The following MCTP1 variants were observed in gnomAD, a reference collection of about 807,000 sequenced individuals.
MCTP1 encodes multiple C2 and transmembrane domain-containing protein 1.
A neutral mutation model predicts 120.6 loss-of-function variants in MCTP1; 69 were observed. The ratio of observed to expected loss-of-function variants is 0.57; its 90% CI spans 0.47 to 0.70. MCTP1 has a LOEUF of 0.70. MCTP1 is among the 30% of genes least tolerant of loss of function. MCTP1 has a pLI of 0.00. For synonymous variants in MCTP1, 529 were observed against 493.1 expected, an observed-to-expected ratio of 1.07 and a Z score of -0.96; for missense variants, 1,203 against 1,248.8, an observed-to-expected ratio of 0.96 and a Z score of 0.55.
At chr5:95,039,878 C>CAAAAAAAAAAAA (rs57011733) in intron 1 of MCTP1, among the ~76,000 whole-genome samples, 4 of 77,612 alleles carry the variant, frequency 5.2e-5, no homozygotes, top group Admixed American at 1.6e-4. Context: ...GTACCGTTTG[C>CAAAAAAAAAAAA]AAAAAAAAAA....
intron 19 of MCTP1, among the ~76,000 whole-genome samples, chr5:94,751,937 A>T (rs1768438716): frequency 1.5e-5 from 2 of 135,794 alleles, no homozygotes; most frequent in Non-Finnish European, 3.2e-5. Flanking sequence ...GAAGGGGAAC[A>T]TCACACTCCG....
intron 1 of MCTP1, among the ~76,000 whole-genome samples, chr5:95,211,511 G>T (rs1752371985): frequency 6.6e-6 from 1 of 152,060 alleles, no homozygotes; most frequent in South Asian, 2.1e-4. Context: ...CTCGAGCCTT[G>T]GCTTTCAGCT....
intron 1 of MCTP1, among the ~76,000 whole-genome samples, chr5:95,092,526 G>C (rs1755926206): frequency 6.6e-6 from 1 of 152,140 alleles, no homozygotes; most frequent in Non-Finnish European, 1.5e-5. Flanking sequence ...CATGGATTTT[G>C]AATGTTCCCA....
chr5:94,974,134 T>C (rs1013202169), intron 2 of MCTP1, among the ~76,000 whole-genome samples: 1 of 152,188 alleles, frequency 6.6e-6, no homozygotes, highest in Non-Finnish European at 1.5e-5. Flanking sequence ...TATAATTAAA[T>C]TTAAATAAAG....
chr5:95,257,117 T>C (rs1385392618), intron 1 of MCTP1, among the ~76,000 whole-genome samples: 1 of 152,218 alleles, frequency 6.6e-6, no homozygotes, highest in Non-Finnish European at 1.5e-5. Context: ...TCTTACATAA[T>C]TTCAATACTG....
intron 1 of MCTP1, among the ~76,000 whole-genome samples, chr5:95,140,516 C>G (rs564562481): frequency 6.6e-4 from 100 of 151,780 alleles, no homozygotes; most frequent in Non-Finnish European, 1.2e-3. Flanking sequence ...TCTTTTCAGT[C>G]TCTCAAAAAC....
chr5:94,931,979 T>C lies in MCTP1; in HGVS notation c.1186A>G (p.Arg396Gly), dbSNP rs758988091. The change falls in exon 6 of 23, where the codon AGG becomes GGG. Residue 396 changes from arginine to glycine, a missense_variant. This residue lies in a region of MCTP1 where 740 missense variants were observed against 871.1 expected (regional missense o/e 0.85). Transcript: ENST00000515393. ...TTACTTGATCTTTTCCAACTCTTCC[T>C]CATTAGCATTGTCTGTAAATAAAAT... ...GESRDVTMLM[R>G]KSWKRSSKEL... The C allele has an allele frequency of 5.0e-6, 8 of 1,600,536 alleles. No individual in the cohort carries two copies. In the South Asian group the frequency reaches 8.8e-5, roughly 18 times the overall value.
intron 1 of MCTP1, among the ~76,000 whole-genome samples, chr5:95,020,698 A>G (rs1424581855): frequency 6.6e-6 from 1 of 151,988 alleles, no homozygotes; most frequent in East Asian, 1.9e-4. Flanking sequence ...TGATTCTCAT[A>G]TATTTTAAAA....
chr5:95,216,569 T>C (rs1245324420), intron 1 of MCTP1, among the ~76,000 whole-genome samples: 1 of 152,210 alleles, frequency 6.6e-6, no homozygotes, highest in Non-Finnish European at 1.5e-5. Flanking sequence ...TATGAGTTTC[T>C]CCTTAGGCAT....
chr5:95,121,102 C>T (rs1416149079), intron 1 of MCTP1, among the ~76,000 whole-genome samples: 2 of 151,838 alleles, frequency 1.3e-5, no homozygotes, highest in South Asian at 2.1e-4. Flanking sequence ...CGCAGTGAAA[C>T]CCCGTCTCTA....
At chr5:94,766,946 C>T (rs1226558302) in intron 19 of MCTP1, among the ~76,000 whole-genome samples, 1 of 152,030 alleles carries the variant, frequency 6.6e-6, no homozygotes, top group Non-Finnish European at 1.5e-5. Context: ...CACCATTACC[C>T]AGATCCAGAC....
At chr5:94,918,222 G>T (rs1352684445) in intron 7 of MCTP1, among the ~76,000 whole-genome samples, 1 of 152,186 alleles carries the variant, frequency 6.6e-6, no homozygotes, top group East Asian at 1.9e-4. Flanking sequence ...GAAGCCCAGA[G>T]ATTATATGGT....
chr5:94,954,395 G>T (rs557789566), intron 2 of MCTP1, among the ~76,000 whole-genome samples: 1 of 151,708 alleles, frequency 6.6e-6, no homozygotes, highest in East Asian at 2.0e-4. Context: ...AGACACTGGA[G>T]ATTCCAAAAG....
chr5:94,881,016 T>A (rs1799939989), intron 12 of MCTP1, among the ~76,000 whole-genome samples: 1 of 152,096 alleles, frequency 6.6e-6, no homozygotes, highest in Non-Finnish European at 1.5e-5. Flanking sequence ...TTCCAACTAT[T>A]TGCTAGTGTC....
chr5:94,956,412 T>C (rs76276892), intron 2 of MCTP1, among the ~76,000 whole-genome samples: 15 of 152,300 alleles, frequency 9.8e-5, no homozygotes, highest in African/African-American at 3.6e-4. Flanking sequence ...GGATGGTGAA[T>C]GAGTTTGATG....
At chr5:94,891,307 C>A (rs896291099) in intron 11 of MCTP1, among the ~76,000 whole-genome samples, 1 of 152,172 alleles carries the variant, frequency 6.6e-6, no homozygotes, top group African/African-American at 2.4e-5. Context: ...AAGGGTTTCA[C>A]TGTGGGGGCG....
intron 17 of MCTP1, among the ~76,000 whole-genome samples, chr5:94,810,105 G>C (rs1309466553): frequency 6.6e-6 from 1 of 151,670 alleles, no homozygotes; most frequent in African/African-American, 2.4e-5. Context: ...TTAAATTATT[G>C]TTTAACAAAA....
At chr5:94,929,525 C>T in intron 6 of MCTP1, 1 of 556,330 alleles carries the variant, frequency 1.8e-6, no homozygotes, top group Non-Finnish European at 2.3e-6. Flanking sequence ...AATCTGTACT[C>T]AGACAAGAAT....
rs139568538 is a variant in MCTP1, at chr5:94,883,107, A to G, written c.1933+5772T>C. ...GATGTGGTGACATAAAAGAAGGAAG[A>G]ACAATGATTTGCTTTCTTTCCCTGT... On this transcript the variant is annotated intron_variant, in intron 12 of 22. Coordinates refer to ENST00000515393, the MANE Select transcript of MCTP1 (RefSeq NM_024717.7). Among the ~76,000 whole-genome samples the G allele has an allele frequency of 5.1e-3, 776 of 152,328 alleles. 7 individuals are homozygous for G. The highest frequency in any genetic ancestry group is 0.018 in the African/African-American group (752 of 41,574).
Sources: gnomAD v4.1 joint callset for allele counts (sites outside exome capture counted in the v4.1 genomes callset) on GRCh38, gnomAD v4.1.1 for gene constraint, gnomAD v4.1.1 regional missense constraint, MANE v1.5 for transcripts, NCBI Gene and HGNC (gene_info 2026-07-23, HGNC 2026-07-21) for gene names.